Variants in NIBAN2 observed in about 807,000 individuals in gnomAD.
NIBAN2 encodes niban apoptosis regulator 2, also known as protein Niban 2.
In NIBAN2, 36 loss-of-function variants were observed where a neutral mutation model predicts 81.8. The ratio of observed to expected loss-of-function variants is 0.44; its 90% CI spans 0.34 to 0.58. The LOEUF is 0.58. Ranked by LOEUF, NIBAN2 falls within the 20% of genes least tolerant of loss-of-function variation. NIBAN2 has a pLI of 0.02. For missense variants in NIBAN2, 897 were observed against 1,014.1 expected, an observed-to-expected ratio of 0.88 and a Z score of 1.57; for synonymous variants, 445 against 441.6, an observed-to-expected ratio of 1.01 and a Z score of -0.10.
In NIBAN2 at chr9:127,508,952, T is replaced by C. The variant is rs755185172; in HGVS notation, c.1317+24A>G. On this transcript the variant is annotated intron_variant, in intron 10 of 13. Coordinates refer to ENST00000373312, the MANE Select transcript of NIBAN2 (RefSeq NM_022833.4). This position sits in a 1 kb window ranked among gnomAD's most constrained non-coding sequence, Gnocchi z 6.4. The stretch of plus-strand genomic sequence containing the variant: ...GGAAGGCAGTGGACAGGGTGTGGGG[T>C]GGGGGTCGTAGCCTCGGGTCTACCT... 17 of 1,612,314 alleles carry C rather than the reference T, an allele frequency of 1.1e-5. No individual in the cohort carries two copies. Among genetic ancestry groups the C allele is most frequent in the East Asian group, 8.9e-5 (4 of 44,860 alleles).
At chr9:127,512,223 T>A (rs1173126982) in intron 8 of NIBAN2, among the ~76,000 whole-genome samples, 1 of 152,188 alleles carries the variant, frequency 6.6e-6, no homozygotes, top group African/African-American at 2.4e-5. Context: ...CATGCCTGCA[T>A]TGAGTTGTCC....
intron 4 of NIBAN2, among the ~76,000 whole-genome samples, chr9:127,524,231 T>G (rs969315483): frequency 6.6e-6 from 1 of 152,170 alleles, no homozygotes; most frequent in African/African-American, 2.4e-5. Flanking sequence ...AAAGTGTGGC[T>G]TAAGTGTCCA....
chr9:127,532,098 A>T (rs1837195249), intron 1 of NIBAN2, among the ~76,000 whole-genome samples: 1 of 152,176 alleles, frequency 6.6e-6, no homozygotes, highest in Non-Finnish European at 1.5e-5. Flanking sequence ...AGGCCATGTC[A>T]CTCAGAGCTG....
intron 1 of NIBAN2, among the ~76,000 whole-genome samples, chr9:127,543,855 G>C (rs1192731804): frequency 6.6e-6 from 1 of 152,194 alleles, no homozygotes; most frequent in Admixed American, 6.5e-5. Flanking sequence ...ATTGCAACAT[G>C]AGCTAATGCA....
In NIBAN2 at chr9:127,508,967, C is replaced by T. The variant is rs189310114; in HGVS notation, c.1317+9G>A. On this transcript the variant is annotated intron_variant, in intron 10 of 13. Coordinates refer to ENST00000373312, the MANE Select transcript of NIBAN2 (RefSeq NM_022833.4). The surrounding 1 kb of genome is among the most constrained non-coding windows in gnomAD (Gnocchi z 6.4). ...GGGTGTGGGGTGGGGGTCGTAGCCT[C>T]GGGTCTACCTCCCGCATGTGGATCT... 68 of 1,613,414 alleles carry T rather than the reference C, an allele frequency of 4.2e-5. No individual in the cohort carries two copies. Among genetic ancestry groups the T allele is most frequent in the Non-Finnish European group, 5.3e-5 (62 of 1,179,932 alleles).
In NIBAN2 at chr9:127,565,946, T is replaced by TCTCTCTCACACACACA. The variant is rs751937125; in HGVS notation, c.55+2873_55+2874insTGTGTGTGTGAGAGAG. Among the ~76,000 whole-genome samples the TCTCTCTCACACACACA allele has an allele frequency of 9.0e-4, 118 of 130,612 alleles. 1 individual carries two copies. Among genetic ancestry groups the TCTCTCTCACACACACA allele is most frequent in the African/African-American group, 3.4e-3 (107 of 31,096 alleles). The allele number at this position is 130,612 out of a possible 152,430, so 85.7% of individuals were successfully genotyped here. Reference sequence around the variant, plus strand: ...GAGACCCTGTCTCTCTCTCTCTCTCTCACACACACACACACACACACACAC... The same window carrying TCTCTCTCACACACACA: ...GAGACCCTGTCTCTCTCTCTCTCTCTCTCTCTCACACACACACACACACACACACACACACACACAC... On this transcript the variant is annotated intron_variant, in intron 1 of 13. Transcript: ENST00000373312.
At chr9:127,558,525 C>T (rs1307341178) in intron 1 of NIBAN2, among the ~76,000 whole-genome samples, 2 of 152,040 alleles carry the variant, frequency 1.3e-5, no homozygotes, top group African/African-American at 2.4e-5. Context: ...AGAACTAGGA[C>T]GAGGAAGGGT....
chr9:127,509,050 C>G lies in NIBAN2; in HGVS notation c.1243G>C (p.Asp415His). 6.2e-7 allele frequency: 1 copy of G among 1,613,818 alleles called. No homozygotes were observed. Among genetic ancestry groups the G allele is most frequent in the East Asian group, 2.2e-5 (1 of 44,858 alleles). Residue 415 changes from aspartate to histidine, a missense_variant, in exon 10 of 14, where the codon GAC becomes CAC. Asp to His is a moderately conservative substitution (Grantham distance 81). This residue lies in a region of NIBAN2 where 619 missense variants were observed against 691.0 expected (regional missense o/e 0.90). Transcript: ENST00000373312. ...CYEKMESLRL[D>H]GLQQRFDVSS... ...ACATCAAATCGCTGCTGCAGCCCGT[C>G]CAGTCGCAGCGACTCCATCTTCTCA...
At chr9:127,514,975 G>T (rs1444407810) in intron 8 of NIBAN2, among the ~76,000 whole-genome samples, 1 of 151,982 alleles carries the variant, frequency 6.6e-6, no homozygotes, top group Non-Finnish European at 1.5e-5. Context: ...ACCAGCCTGG[G>T]CAACACAGTA....
At chr9:127,539,638 A>G (rs1837341984) in intron 1 of NIBAN2, among the ~76,000 whole-genome samples, 1 of 152,110 alleles carries the variant, frequency 6.6e-6, no homozygotes, top group Admixed American at 6.5e-5. Context: ...GCTGACCGAA[A>G]ATCTCAACGA....
intron 1 of NIBAN2, among the ~76,000 whole-genome samples, chr9:127,557,334 AC>A (rs1391621001): frequency 6.6e-6 from 1 of 152,152 alleles, no homozygotes; most frequent in African/African-American, 2.4e-5. Flanking sequence ...CTCTTATCCA[AC>A]CCCTCCATTG....
intron 1 of NIBAN2, among the ~76,000 whole-genome samples, chr9:127,575,444 T>G (rs1222629547): frequency 6.6e-6 from 1 of 151,446 alleles, no homozygotes; most frequent in South Asian, 2.1e-4. Flanking sequence ...GCCAGGATGG[T>G]CTTGAACTCC....
In NIBAN2 at chr9:127,506,026, C is replaced by T. The variant is rs1836586851; in HGVS notation, c.*819G>A. ...CCCCAACCACCAGAGGGACAGGGAC[C>T]AGAGGGAGACCTGTGGGCCAGGCGG... is the stretch of plus-strand genomic sequence containing the variant. On this transcript the variant is annotated 3_prime_UTR_variant, in exon 14 of 14. Coordinates refer to ENST00000373312, the MANE Select transcript of NIBAN2 (RefSeq NM_022833.4). The T allele has an allele frequency of 6.5e-6, 1 of 153,496 alleles. No homozygotes were observed. 9.5% of individuals were successfully genotyped at this position (153,496 alleles called of 1,614,324 possible).
At chr9:127,566,202 G>C (rs890269407) in intron 1 of NIBAN2, among the ~76,000 whole-genome samples, 3 of 152,262 alleles carry the variant, frequency 2.0e-5, no homozygotes, top group African/African-American at 2.4e-5. Context: ...CAGTCTGGGG[G>C]AGATTTGTGG....
chr9:127,555,373 TTC>T (rs1242904740), intron 1 of NIBAN2, among the ~76,000 whole-genome samples: 1 of 152,224 alleles, frequency 6.6e-6, no homozygotes, highest in Non-Finnish European at 1.5e-5. Context: ...TCACAGTGGT[TTC>T]TGTCTAGGGA....
chr9:127,508,121 AG>A lies in NIBAN2; in HGVS notation c.1513del (p.Leu505SerfsTer18). 1 of 1,613,602 alleles carries A rather than the reference AG, an allele frequency of 6.2e-7. No individual in the cohort carries two copies. The highest frequency in any genetic ancestry group is 8.5e-7 in the Non-Finnish European group (1 of 1,180,018). On this transcript the variant is annotated frameshift_variant, in exon 12 of 14. Transcript: ENST00000373312. LOFTEE classifies it high-confidence loss of function. The surrounding 1 kb of genome is among the most constrained non-coding windows in gnomAD (Gnocchi z 6.4). The part of the protein sequence containing the change: ...ALLQISIPFL[L>X]KKLAPTCKSE... ...CTTGCAGGTAGGGGCCAGCTTCTTGAGCAGGAACGGGATGCTGATCTGCAGC... is the reference window on the plus strand; with the variant it reads ...CTTGCAGGTAGGGGCCAGCTTCTTGACAGGAACGGGATGCTGATCTGCAGC...
chr9:127,523,876 C>T (rs370080581), intron 4 of NIBAN2, 30 bp from the exon 5 acceptor site: 21 of 1,591,410 alleles, frequency 1.3e-5, no homozygotes, highest in Non-Finnish European at 1.8e-5. Flanking sequence ...TGAGCAGCTG[C>T]CCTCTGTGGT....
At position 127,508,552 on chromosome 9, in the gene NIBAN2, C is replaced by G; in HGVS notation, c.1318-14G>C. On this transcript the variant is annotated splice_polypyrimidine_tract_variant and intron_variant, in intron 10 of 13. Transcript: ENST00000373312. This position sits in a 1 kb window ranked among gnomAD's most constrained non-coding sequence, Gnocchi z 6.4. ...ATTGTCCATTTGCTGCAGGGCATACCGCGGACATGTGAAGCCCCCAGGGTG... is the reference window on the plus strand; with the variant it reads ...ATTGTCCATTTGCTGCAGGGCATACGGCGGACATGTGAAGCCCCCAGGGTG... 4 of 1,606,550 alleles carry G rather than the reference C, an allele frequency of 2.5e-6. No homozygotes were observed. Among genetic ancestry groups the G allele is most frequent in the Non-Finnish European group, 3.4e-6 (4 of 1,173,916 alleles).
intron 5 of NIBAN2, among the ~76,000 whole-genome samples, chr9:127,518,990 CATGGCAAAACCCCATCTCTACTA>C (rs1836884151): frequency 6.6e-6 from 1 of 152,140 alleles, no homozygotes; most frequent in Admixed American, 6.5e-5. Flanking sequence ...GTCTGGCTAA[CATGGCAAAACCCCATCTCTACTA>C]AAAATACAAA....
Sources: allele counts gnomAD v4.1 joint callset (sites outside exome capture counted in the v4.1 genomes callset), GRCh38; gene constraint gnomAD v4.1.1; regional missense constraint gnomAD v4.1.1; non-coding constraint Gnocchi (gnomAD v3.1); transcripts MANE v1.5; gene names NCBI Gene and HGNC (gene_info 2026-07-23, HGNC 2026-07-21).